Variants in NEB observed in about 807,000 individuals in gnomAD.
NEB encodes nebulin.
Under a neutral mutation model 952.2 loss-of-function variants are expected in NEB, and 512 were observed. The ratio of observed to expected loss-of-function variants is 0.54; its 90% CI spans 0.50 to 0.58. The LOEUF (loss-of-function observed/expected upper bound fraction) is 0.58, where lower values mean the gene tolerates loss of function less well. Among genes scored for constraint, NEB ranks in the 20% least tolerant of loss-of-function variants. The pLI, the probability that NEB is intolerant of heterozygous loss-of-function variation, is 0.00. For synonymous variants in NEB, 2,900 were observed against 3,149.8 expected, an observed-to-expected ratio of 0.92 and a Z score of 2.66; for missense variants, 8,428 against 9,231.1, an observed-to-expected ratio of 0.91 and a Z score of 3.56.
At chr2:151,706,097 G>T (rs567743283) in intron 13 of NEB, among the ~76,000 whole-genome samples, 2 of 152,124 alleles carry the variant, frequency 1.3e-5, no homozygotes, top group Admixed American at 1.3e-4. Flanking sequence ...GAAAGCAAAC[G>T]TGCTTTACAG....
chr2:151,552,800 C>T, intron 127 of NEB, 24 bp from the exon 128 acceptor site: 1 of 1,536,406 alleles, frequency 6.5e-7, no homozygotes. Context: ...GAAAACAAGC[C>T]CATGTTGGAC....
chr2:151,545,961 C>G lies in NEB; in HGVS notation c.20504G>C (p.Arg6835Pro). Reference sequence around the variant, plus strand: ...GTCAAGCACCACTTTGTATTTGTCTCGCATCTTCCTTGCCTTATCAGTGTA... The same window carrying G: ...GTCAAGCACCACTTTGTATTTGTCTGGCATCTTCCTTGCCTTATCAGTGTA... ...YLYTDKARKM[R>P]DKYKVVLDTP... The change falls in exon 135 of 182, where the codon CGA becomes CCA. Residue 6835 changes from arginine to proline, a missense_variant. Arg to Pro is a moderately radical substitution (Grantham distance 103). Around this residue, in one of 11 missense-constraint regions of NEB, gnomAD observed 3,374 missense variants for 3,651.5 expected, o/e 0.92. Transcript: ENST00000397345. The G allele has an allele frequency of 6.2e-7, 1 of 1,602,772 alleles. No individual in the cohort carries two copies. Among genetic ancestry groups the G allele is most frequent in the East Asian group, 2.2e-5 (1 of 44,652 alleles).
chr2:151,516,414 T>C lies in NEB; in HGVS notation c.22905+45A>G, dbSNP rs558896753. On this transcript the variant is annotated intron_variant, in intron 157 of 181. Transcript: ENST00000397345. ...TGTCATGGGCAGAGCTTGTGTTCAG[T>C]AGTGTGATGGATCATTGTTGTGTGG... 4.5e-6 allele frequency: 6 copies of C among 1,323,734 alleles called. No homozygotes were observed. In the South Asian group the frequency reaches 4.9e-5, roughly 11 times the overall value. The allele number at this position is 1,323,734 out of a possible 1,614,324, so 82.0% of individuals were successfully genotyped here.
intron 55 of NEB, among the ~76,000 whole-genome samples, chr2:151,645,245 G>T (rs2098940961): frequency 6.6e-6 from 1 of 152,142 alleles, no homozygotes; most frequent in South Asian, 2.1e-4. Flanking sequence ...AGAAGTTTTT[G>T]TTAGAAAAGA....
rs576914148 is a variant in NEB at position 151,576,063 on chromosome 2, T to C, written c.16908+88A>G. ...TAAAATTTTTGTTATTAATAAAGTT[T>C]TTATTATTCTAAAATAAATGACCAG... On this transcript the variant is annotated intron_variant, in intron 106 of 181. Coordinates refer to ENST00000397345, the MANE Select transcript of NEB (RefSeq NM_001164508.2). 3.9e-5 allele frequency: 42 copies of C among 1,086,460 alleles called. No homozygotes were observed. In the African/African-American group the frequency reaches 5.9e-4, roughly 15 times the overall value. 67.3% of individuals were successfully genotyped at this position (1,086,460 alleles called of 1,614,324 possible). A position where few individuals can be genotyped will look rare whatever the true frequency, so the allele number is the denominator to read the frequency against.
intron 166 of NEB, 45 bp from the exon 167 acceptor site, chr2:151,502,930 C>G: frequency 3.3e-6 from 4 of 1,213,290 alleles, no homozygotes; most frequent in East Asian, 2.3e-5. Context: ...AAAACAGGCA[C>G]AGAGAGTAAG....
intron 13 of NEB, among the ~76,000 whole-genome samples, chr2:151,698,316 G>A (rs990449976): frequency 2.0e-5 from 3 of 151,900 alleles, no homozygotes; most frequent in Non-Finnish European, 4.4e-5. Context: ...TTACAGAGTT[G>A]TGCAACTGTC....
At chr2:151,500,212 A>G (rs1486003522) in intron 168 of NEB, among the ~76,000 whole-genome samples, 1 of 152,196 alleles carries the variant, frequency 6.6e-6, no homozygotes, top group Non-Finnish European at 1.5e-5. Context: ...ACAGAACAAA[A>G]AGACAGTGGG....
intron 38 of NEB, among the ~76,000 whole-genome samples, chr2:151,670,296 A>C (rs1190706970): frequency 6.6e-6 from 1 of 152,210 alleles, no homozygotes; most frequent in Non-Finnish European, 1.5e-5. Flanking sequence ...GCTAAAATAC[A>C]AAAAGTCTTT....
At position 151,560,709 on chromosome 2, in the gene NEB, T is replaced by G; in HGVS notation, c.19207-10A>C. On this transcript the variant is annotated splice_polypyrimidine_tract_variant and intron_variant, in intron 123 of 181. Transcript: ENST00000397345. ...CCTCCTTGTACAGGTTCTGCAGGAA[T>G]TAAAGACCTTCTTGTGAATATGGGA... 6.3e-7 allele frequency: 1 copy of G among 1,592,306 alleles called. No individual in the cohort carries two copies. The highest frequency in any genetic ancestry group is 8.6e-7 in the Non-Finnish European group (1 of 1,164,488).
rs113124626 is a variant in NEB, at chr2:151,721,842, T to C, written c.717+1540A>G. On this transcript the variant is annotated intron_variant, in intron 9 of 181. Coordinates refer to ENST00000397345, the MANE Select transcript of NEB (RefSeq NM_001164508.2). Reference sequence around the variant, plus strand: ...AGCAAGAAGTACTCACACAATAAAATTGGTATCATGTGCTAGATGACTTCA... The same window carrying C: ...AGCAAGAAGTACTCACACAATAAAACTGGTATCATGTGCTAGATGACTTCA... Among the ~76,000 whole-genome samples the C allele has an allele frequency of 3.3e-3, 508 of 152,328 alleles. 3 individuals carry two copies. Among genetic ancestry groups the C allele is most frequent in the African/African-American group, 0.011 (468 of 41,566 alleles).
chr2:151,561,988 G>T (rs140596632), intron 121 of NEB, 122 bp downstream of exon 121: 3 of 722,854 alleles, frequency 4.2e-6, no homozygotes, highest in East Asian at 2.5e-5. Context: ...GAGAGGAGGG[G>T]CTTTGGTCAG....
intron 80 of NEB, 136 bp from the exon 81 acceptor site, chr2:151,610,256 G>A: frequency 2.6e-6 from 2 of 769,012 alleles, no homozygotes; most frequent in Non-Finnish European, 4.1e-6. Context: ...ATATTTAAAA[G>A]CAATGTTTTA....
intron 51 of NEB, 98 bp from the exon 52 acceptor site, chr2:151,654,197 G>A (rs1203271769): frequency 3.2e-5 from 19 of 599,592 alleles, no homozygotes; most frequent in Non-Finnish European, 3.8e-5. Flanking sequence ...ATATCAGATC[G>A]AACATCATCT....
rs374941096 is a variant in NEB, at chr2:151,514,397, A to G, written c.23048T>C (p.Ile7683Thr). 43 of 1,613,492 alleles carry G rather than the reference A, an allele frequency of 2.7e-5. No individual in the cohort carries two copies. In the South Asian group the frequency reaches 2.7e-4, roughly 10 times the overall value. ...CATTTCAGTGAGGCCCTTCCCACGG[A>G]TGCTTTCCTCTAGATCTTTCCTGTA... ...KEYRKDLEES[I>T]RGKGLTEMED... is the part of the protein sequence containing the mutation. Residue 7683 changes from isoleucine (I) to threonine (T), a missense_variant, in exon 159 of 182, where the codon ATC (isoleucine) becomes ACC (threonine). Coordinates refer to ENST00000397345, the MANE Select transcript of NEB (RefSeq NM_001164508.2).
Position 151,497,976 on chromosome 2 carries a change from C to T in NEB, c.24208-258G>A. 2.1e-6 allele frequency: 3 copies of T among 1,436,000 alleles called. No homozygotes were observed. In the East Asian group the frequency reaches 7.6e-5, roughly 36 times the overall value. The allele number at this position is 1,436,000 out of a possible 1,614,324, so 89.0% of individuals were successfully genotyped here. ...TTTTTCATTTTTGTGAGTACGGTGC[C>T]TCCTAAACAATCACATGAGGATTTG... On this transcript the variant is annotated intron_variant, in intron 170 of 181. Coordinates refer to ENST00000397345, the MANE Select transcript of NEB (RefSeq NM_001164508.2).
chr2:151,496,296 T>C lies in NEB; in HGVS notation c.24466A>G (p.Asn8156Asp). 6.2e-7 allele frequency: 1 copy of C among 1,610,926 alleles called. No individual in the cohort carries two copies. The highest frequency in any genetic ancestry group is 1.1e-5 in the South Asian group (1 of 90,480). Reference protein sequence around the residue: ...VTPEMERVKHNQENISSVLYK... With the variant: ...VTPEMERVKHDQENISSVLYK... ...AGTACCGAGCTAATATTTTCTTGAT[T>C]GTGTTTGACTCGCTCCATCTCGGGA... The change falls in exon 173 of 182, where the codon AAT becomes GAT. Residue 8156 changes from asparagine to aspartate, a missense_variant. This residue lies in a region of NEB where 3,374 missense variants were observed against 3,651.5 expected (regional missense o/e 0.92). Transcript: ENST00000397345.
At chr2:151,723,827 T>C (rs573056121) in intron 8 of NEB, among the ~76,000 whole-genome samples, 1 of 148,658 alleles carries the variant, frequency 6.7e-6, no homozygotes, top group Admixed American at 6.8e-5. Flanking sequence ...TAACACAATG[T>C]AAGGAGCCAG....
At chr2:151,581,837 G>A (rs1364511841) in intron 102 of NEB, among the ~76,000 whole-genome samples, 2 of 140,944 alleles carry the variant, frequency 1.4e-5, no homozygotes, top group Non-Finnish European at 3.1e-5. Flanking sequence ...CGATATAAAC[G>A]TAGATTATAC....
Sources: gnomAD v4.1 joint callset for allele counts (sites outside exome capture counted in the v4.1 genomes callset) on GRCh38, gnomAD v4.1.1 for gene constraint, gnomAD v4.1.1 regional missense constraint, MANE v1.5 for transcripts, NCBI Gene and HGNC (gene_info 2026-07-23, HGNC 2026-07-21) for gene names.